SLC9C2: variants seen among roughly 807,000 people sequenced by gnomAD.
SLC9C2 encodes the protein solute carrier family 9 member C2 (putative).
Under a neutral mutation model 140.2 loss-of-function variants are expected in SLC9C2, and 75 were observed. The ratio of observed to expected loss-of-function variants is 0.53; its 90% CI spans 0.44 to 0.65. The LOEUF (loss-of-function observed/expected upper bound fraction) is 0.65, where lower values mean the gene tolerates loss of function less well. Among genes scored for constraint, SLC9C2 ranks in the 30% least tolerant of loss-of-function variants. SLC9C2 has a pLI of 0.00. For missense variants in SLC9C2, 1,074 were observed against 1,331.8 expected, an observed-to-expected ratio of 0.81 and a Z score of 3.01; for synonymous variants, 375 against 420.9, an observed-to-expected ratio of 0.89 and a Z score of 1.34.
intron 9 of SLC9C2, among the ~76,000 whole-genome samples, chr1:173,559,120 C>G (rs1360989038): frequency 6.6e-6 from 1 of 152,232 alleles, no homozygotes; most frequent in Non-Finnish European, 1.5e-5. Context: ...TCTCAGCTTA[C>G]ACATGAGCTC....
At chr1:173,562,868 C>A (rs749428915) in intron 9 of SLC9C2, among the ~76,000 whole-genome samples, 7 of 152,062 alleles carry the variant, frequency 4.6e-5, no homozygotes, top group Non-Finnish European at 7.4e-5. Context: ...CTGATCCCTT[C>A]CCCCAGGGAT....
intron 13 of SLC9C2, among the ~76,000 whole-genome samples, chr1:173,538,740 TG>T (rs975286613): frequency 6.6e-6 from 1 of 152,018 alleles, no homozygotes; most frequent in African/African-American, 2.4e-5. Context: ...AGGCAGAGGG[TG>T]GCATCTCTAG....
At chr1:173,544,691 G>T (rs1307110471) in intron 13 of SLC9C2, among the ~76,000 whole-genome samples, 1 of 152,168 alleles carries the variant, frequency 6.6e-6, no homozygotes, top group Non-Finnish European at 1.5e-5. Flanking sequence ...TAAATGATGA[G>T]TTCATGTCCT....
chr1:173,596,934 T>A (rs935234003), intron 4 of SLC9C2, among the ~76,000 whole-genome samples: 4 of 151,930 alleles, frequency 2.6e-5, no homozygotes, highest in African/African-American at 9.7e-5. Flanking sequence ...TTGTATAAAG[T>A]AAAAACTGAC....
At chr1:173,601,523 G>T in intron 2 of SLC9C2, 127 bp downstream of exon 2, 2 of 992,436 alleles carry the variant, frequency 2.0e-6, no homozygotes, top group Non-Finnish European at 3.0e-6. Context: ...GAGATTGACA[G>T]TATTCACTCA....
At chr1:173,512,704 G>A (rs962901429) in intron 23 of SLC9C2, among the ~76,000 whole-genome samples, 2 of 152,228 alleles carry the variant, frequency 1.3e-5, no homozygotes, top group African/African-American at 2.4e-5. Context: ...TAGAAGTGGT[G>A]AGAGAGGGTA....
intron 1 of SLC9C2, among the ~76,000 whole-genome samples, chr1:173,602,509 AG>A (rs1484167111): frequency 6.6e-6 from 1 of 152,156 alleles, no homozygotes; most frequent in African/African-American, 2.4e-5. Context: ...AATTAGAAAA[AG>A]GCCCCCTTCC....
chr1:173,599,362 ATTTTT>A (rs61579339), intron 3 of SLC9C2, among the ~76,000 whole-genome samples: 38 of 68,116 alleles, frequency 5.6e-4, no homozygotes, highest in East Asian at 1.8e-3. Context: ...ATTTTCCTTG[ATTTTT>A]TTTTTTTTTT....
intron 9 of SLC9C2, among the ~76,000 whole-genome samples, chr1:173,560,221 A>G (rs1664011767): frequency 6.6e-6 from 1 of 152,242 alleles, no homozygotes. Flanking sequence ...AATACGAAAA[A>G]TAAAACACTT....
chr1:173,518,670 A>T (rs1184034321), intron 22 of SLC9C2, among the ~76,000 whole-genome samples: 1 of 152,198 alleles, frequency 6.6e-6, no homozygotes, highest in East Asian at 1.9e-4. Flanking sequence ...TGTAAACATC[A>T]AAGAGGAAGG....
chr1:173,555,936 T>C (rs1247850151), intron 10 of SLC9C2, among the ~76,000 whole-genome samples: 45 of 152,160 alleles, frequency 3.0e-4, no homozygotes, highest in Admixed American at 2.9e-3. Context: ...GATGGAGAGG[T>C]CAATAGTTGC....
Position 173,535,846 on chromosome 1 carries a change from G to T in SLC9C2, c.1759C>A (p.His587Asn). The change falls in exon 15 of 28, where the codon CAT becomes AAT. Residue 587 changes from histidine to asparagine, a missense_variant. Transcript: ENST00000367714. ...TFLEYCIEKIHFIPPESNTFL... is the reference protein window; with the variant it reads ...TFLEYCIEKINFIPPESNTFL... ...AATACTTACTCAGGTGGAATAAAATGTATCTTTTCTATACAATATTCCAAG... is the reference window on the plus strand; with the variant it reads ...AATACTTACTCAGGTGGAATAAAATTTATCTTTTCTATACAATATTCCAAG... The T allele has an allele frequency of 6.6e-7, 1 of 1,509,874 alleles. No homozygotes were observed. 93.5% of individuals were successfully genotyped at this position (1,509,874 alleles called of 1,614,324 possible).
intron 27 of SLC9C2, among the ~76,000 whole-genome samples, chr1:173,501,505 C>CTTTTTT (rs35363966): frequency 2.9e-4 from 28 of 96,312 alleles, no homozygotes; most frequent in African/African-American, 8.8e-4. Context: ...TTATTTGACT[C>CTTTTTT]TTTTTTTTTT....
intron 18 of SLC9C2, among the ~76,000 whole-genome samples, chr1:173,529,338 TAGAC>T (rs1431896782): frequency 2.6e-5 from 4 of 152,150 alleles, no homozygotes; most frequent in East Asian, 3.9e-4. Context: ...TGACTGGTAA[TAGAC>T]AGACTGGTGC....
Position 173,534,598 on chromosome 1 carries a change from A to G in SLC9C2, c.1860T>C (p.Tyr620=). 1 of 1,590,770 alleles carries G rather than the reference A, an allele frequency of 6.3e-7. No individual in the cohort carries two copies. The highest frequency in any genetic ancestry group is 8.5e-7 in the Non-Finnish European group (1 of 1,169,976). Residue 620 remains tyrosine (Y), a synonymous_variant, in exon 16 of 28, where the codon TAT becomes TAC. Transcript: ENST00000367714. The stretch of plus-strand genomic sequence containing the variant: ...ACAGATGTATTATCATAGGATAAAT[A>G]TATATCAAATTTATAATCTGTCCTG... ...EYTGQIINLI[Y]IYPMIIHLWP...
intron 10 of SLC9C2, chr1:173,555,152 A>C (rs997295928): frequency 5.5e-6 from 1 of 182,800 alleles, no homozygotes; most frequent in Non-Finnish European, 1.1e-5. Context: ...ATGGCTGTGG[A>C]ACCTGCAGGG....
At chr1:173,572,722 G>T (rs2102178114) in intron 9 of SLC9C2, among the ~76,000 whole-genome samples, 1 of 152,308 alleles carries the variant, frequency 6.6e-6, no homozygotes, top group Non-Finnish European at 1.5e-5. Flanking sequence ...CATGGTAACT[G>T]CATTATCACA....
chr1:173,516,073 A>C (rs12071988), intron 23 of SLC9C2, among the ~76,000 whole-genome samples: 46,872 of 152,018 alleles, frequency 0.31, 9,889 homozygotes, highest in African/African-American at 0.61. Flanking sequence ...GGGGCACCGA[A>C]CTGATGCCAG....
intron 7 of SLC9C2, among the ~76,000 whole-genome samples, chr1:173,579,243 T>C (rs1485005340): frequency 1.3e-5 from 2 of 152,178 alleles, no homozygotes; most frequent in African/African-American, 4.8e-5. Flanking sequence ...CTAGAGAAAA[T>C]CATCATTCTG....
Sources: allele counts gnomAD v4.1 joint callset (sites outside exome capture counted in the v4.1 genomes callset), GRCh38; gene constraint gnomAD v4.1.1; transcripts MANE v1.5; gene names NCBI Gene and HGNC (gene_info 2026-07-23, HGNC 2026-07-21).